Variants in EVI5 observed in about 807,000 individuals in gnomAD.
EVI5 encodes ecotropic viral integration site 5 protein homolog.
EVI5 carries 73 observed loss-of-function variants against 112.0 expected under a neutral mutation model. The observed-to-expected ratio is 0.65, with a 90% CI of 0.54 to 0.79. The LOEUF is 0.79. EVI5 is among the 30% of genes least tolerant of loss of function. EVI5 has a pLI of 0.00. For missense variants in EVI5, 900 were observed against 968.8 expected (o/e 0.93, Z 0.94); for synonymous variants, 305 against 319.9 (o/e 0.95, Z 0.50).
chr1:92,596,342 G>A (rs530096537), intron 18 of EVI5, among the ~76,000 whole-genome samples: 1 of 152,188 alleles, frequency 6.6e-6, no homozygotes, highest in East Asian at 1.9e-4. Context: ...CTTGGATGAC[G>A]AAGTGAGACC....
chr1:92,756,646 CA>C (rs1198318122), intron 1 of EVI5: 1 of 504,670 alleles, frequency 2.0e-6, no homozygotes, highest in Non-Finnish European at 4.1e-6. Context: ...CCAGCCCTCA[CA>C]GCCAGTTCAC....
chr1:92,693,841 G>T lies in EVI5; in HGVS notation c.1058C>A (p.Ala353Glu), dbSNP rs200367384. Residue 353 changes from alanine (A) to glutamate (E), a missense_variant, in exon 9 of 20, where the codon GCA becomes GAA. Transcript: ENST00000684568. ...TGAATTGTATTTGACTTGGTAAGCT[G>T]CTTGGATTAGCTTGTCTGGGACACC... is the stretch of plus-strand genomic sequence containing the variant. ...FDGVPDKLIQ[A>E]AYQVKYNSKK... 3.9e-5 allele frequency: 63 copies of T among 1,605,622 alleles called. 1 individual carries two copies. In the East Asian group the frequency reaches 1.1e-3, roughly 27 times the overall value.
chr1:92,784,788 CGCCCGCCCGGCCTCCCG>C (rs1357047678), intron 1 of EVI5, 31 bp downstream of exon 1: 4 of 982,718 alleles, frequency 4.1e-6, no homozygotes, highest in East Asian at 1.1e-4. Context: ...ACGGACTCAC[CGCCCGCCCGGCCTCCCG>C]GCCCGCCCGG....
chr1:92,664,370 A>C (rs753815543), intron 11 of EVI5, among the ~76,000 whole-genome samples: 5 of 152,140 alleles, frequency 3.3e-5, no homozygotes, highest in Non-Finnish European at 7.3e-5. Context: ...AAAGGAACTT[A>C]ATTTTCTAGA....
chr1:92,751,668 T>C (rs572019847), intron 1 of EVI5, among the ~76,000 whole-genome samples: 18 of 152,300 alleles, frequency 1.2e-4, no homozygotes, highest in African/African-American at 4.3e-4. Context: ...TGAAAATGCT[T>C]TTTCTACTGT....
At chr1:92,630,726 G>A (rs1656852893) in intron 14 of EVI5, among the ~76,000 whole-genome samples, 1 of 152,158 alleles carries the variant, frequency 6.6e-6, no homozygotes, top group Admixed American at 6.5e-5. Context: ...TGGTGTTTTA[G>A]ACATGAAGTC....
chr1:92,687,801 G>T (rs1668818445), intron 9 of EVI5, among the ~76,000 whole-genome samples: 1 of 152,160 alleles, frequency 6.6e-6, no homozygotes. Context: ...CATCACCACT[G>T]GTCATCACAG....
chr1:92,619,234 G>A (rs148505401), intron 16 of EVI5, among the ~76,000 whole-genome samples: 84 of 152,244 alleles, frequency 5.5e-4, no homozygotes, highest in African/African-American at 1.9e-3. Context: ...CTAATCAGCT[G>A]CCAGTGAATA....
intron 16 of EVI5, among the ~76,000 whole-genome samples, chr1:92,614,014 T>C (rs1474706340): frequency 6.6e-6 from 1 of 152,190 alleles, no homozygotes; most frequent in Non-Finnish European, 1.5e-5. Flanking sequence ...AGGGAAAACC[T>C]AAAGACACAA....
intron 1 of EVI5, among the ~76,000 whole-genome samples, chr1:92,776,635 CTT>C (rs770829382): frequency 8.0e-4 from 110 of 137,658 alleles, no homozygotes; most frequent in Non-Finnish European, 1.3e-3. Flanking sequence ...ACCATCATGA[CTT>C]TTTTTTTTTT....
chr1:92,559,773 C>CAAAA lies in EVI5; in HGVS notation c.2166+3865_2166+3868dup, dbSNP rs34723950. On this transcript the variant is annotated intron_variant, in intron 19 of 19. Coordinates refer to ENST00000684568, the MANE Select transcript of EVI5 (RefSeq NM_001350197.2). The stretch of plus-strand genomic sequence containing the variant: ...TGGGAGACAGAGCAAGACTCCCTCT[C>CAAAA]AAAAAAAAAAAAAAAAAAAAAAAAA... 1.2e-3 allele frequency among the ~76,000 whole-genome samples: 58 copies of CAAAA among 47,388 alleles called. 2 individuals carry two copies. Among genetic ancestry groups the CAAAA allele is most frequent in the African/African-American group, 2.1e-3 (25 of 11,920 alleles). 31.1% of individuals were successfully genotyped at this position (47,388 alleles called of 152,430 possible).
At chr1:92,575,217 C>G (rs139543924) in intron 18 of EVI5, among the ~76,000 whole-genome samples, 1 of 152,176 alleles carries the variant, frequency 6.6e-6, no homozygotes, top group Non-Finnish European at 1.5e-5. Context: ...CATTTTGCTA[C>G]GTGGGCTTTC....
At chr1:92,769,832 A>T (rs1394736544) in intron 1 of EVI5, among the ~76,000 whole-genome samples, 1 of 152,146 alleles carries the variant, frequency 6.6e-6, no homozygotes, top group African/African-American at 2.4e-5. Flanking sequence ...GCCTGCAGTG[A>T]GCCGAGATGG....
intron 1 of EVI5, chr1:92,756,843 G>C: frequency 2.0e-6 from 1 of 495,018 alleles, no homozygotes; most frequent in East Asian, 5.5e-5. Context: ...CTGGTATTGG[G>C]CTGTCCCTCA....
Position 92,624,439 on chromosome 1 carries a change from A to G in EVI5, c.1669-105T>C, listed in dbSNP as rs921760493. The G allele has an allele frequency of 8.4e-6, 7 of 837,758 alleles. No homozygotes were observed. In the African/African-American group the frequency reaches 1.2e-4, roughly 15 times the overall value. 51.9% of individuals were successfully genotyped at this position (837,758 alleles called of 1,614,324 possible). ...GCCTGTGATATATAAAACACTTTCC[A>G]CACATTATTTTATTTAATCCCTAGA... On this transcript the variant is annotated intron_variant, in intron 15 of 19. Transcript: ENST00000684568.
intron 19 of EVI5, among the ~76,000 whole-genome samples, chr1:92,547,726 C>T (rs1666015480): frequency 6.6e-6 from 1 of 152,224 alleles, no homozygotes; most frequent in East Asian, 1.9e-4. Flanking sequence ...CACCTCTACA[C>T]AAATAAACTA....
intron 2 of EVI5, 90 bp from the exon 3 acceptor site, chr1:92,704,834 T>G (rs956760160): frequency 1.9e-5 from 9 of 478,082 alleles, no homozygotes; most frequent in African/African-American, 1.6e-4. Context: ...TTACTGCAAT[T>G]TAACCATTGT....
intron 2 of EVI5, among the ~76,000 whole-genome samples, chr1:92,705,431 G>A (rs575403623): frequency 5.0e-4 from 76 of 152,270 alleles, no homozygotes; most frequent in African/African-American, 1.8e-3. Flanking sequence ...ATATAGCTGC[G>A]TGGGAGCTTC....
At chr1:92,579,688 T>C (rs1671641043) in intron 18 of EVI5, among the ~76,000 whole-genome samples, 1 of 152,106 alleles carries the variant, frequency 6.6e-6, no homozygotes. Flanking sequence ...ATCTAAATGT[T>C]TGAGGGGAAA....
Sources: gnomAD v4.1 joint callset for allele counts (sites outside exome capture counted in the v4.1 genomes callset) on GRCh38, gnomAD v4.1.1 for gene constraint, MANE v1.5 for transcripts, NCBI Gene and HGNC (gene_info 2026-07-23, HGNC 2026-07-21) for gene names.